The following MAP3K7 variants were observed in gnomAD, a reference collection of about 807,000 sequenced individuals.
MAP3K7 encodes mitogen-activated protein kinase kinase kinase 7.
A neutral mutation model predicts 84.8 loss-of-function variants in MAP3K7; 21 were observed. That is an observed-to-expected ratio of 0.25 (90% CI 0.18 to 0.36). MAP3K7 has a LOEUF of 0.36. Ranked by LOEUF, MAP3K7 falls within the 10% of genes least tolerant of loss-of-function variation. MAP3K7 has a pLI of 1.00. For synonymous variants in MAP3K7, 241 were observed against 247.7 expected, an observed-to-expected ratio of 0.97 and a Z score of 0.25; for missense variants, 503 against 747.7, an observed-to-expected ratio of 0.67 and a Z score of 3.82.
intron 6 of MAP3K7, 47 bp from the exon 7 acceptor site, chr6:90,553,633 A>G (rs184650205): frequency 3.1e-5 from 47 of 1,535,622 alleles, no homozygotes; most frequent in Non-Finnish European, 3.6e-5. Context: ...ATTTTTCCAC[A>G]TGACTTACAG....
Position 90,550,453 on chromosome 6 carries a change from A to C in MAP3K7, c.949+15T>G, listed in dbSNP as rs775195539. ...AGAAAAATCAAGTCAATACTCTTCC[A>C]ATCTATCCATTTACCTGTACTGGTG... On this transcript the variant is annotated intron_variant, in intron 9 of 16. Coordinates refer to ENST00000369329, the MANE Select transcript of MAP3K7 (RefSeq NM_145331.3). The C allele has an allele frequency of 1.3e-6, 2 of 1,555,918 alleles. No individual in the cohort carries two copies. The highest frequency in any genetic ancestry group is 2.2e-5 in the East Asian group (1 of 44,460).
chr6:90,585,076 T>C (rs1407891797), intron 1 of MAP3K7, among the ~76,000 whole-genome samples: 2 of 152,178 alleles, frequency 1.3e-5, no homozygotes, highest in Non-Finnish European at 2.9e-5. Context: ...GTGGTAGGTG[T>C]TTTGCATATA....
chr6:90,545,530 G>C (rs1432351090), intron 11 of MAP3K7, among the ~76,000 whole-genome samples: 3 of 152,068 alleles, frequency 2.0e-5, no homozygotes, highest in Non-Finnish European at 4.4e-5. Context: ...AAGTGAAAAG[G>C]GTTCCTCAAA....
At chr6:90,521,257 C>CGTGTGTGT (rs59945419) in intron 14 of MAP3K7, among the ~76,000 whole-genome samples, 1 of 148,544 alleles carries the variant, frequency 6.7e-6, no homozygotes, top group Non-Finnish European at 1.5e-5. Context: ...AAGTTTTTTG[C>CGTGTGTGT]GTGTGTGTGT....
At chr6:90,586,091 G>C (rs942319386) in intron 1 of MAP3K7, among the ~76,000 whole-genome samples, 3 of 152,096 alleles carry the variant, frequency 2.0e-5, no homozygotes, top group African/African-American at 7.2e-5. Flanking sequence ...CATTACGTCC[G>C]GCCGGGCCCG....
At chr6:90,541,832 T>C (rs574350488) in intron 12 of MAP3K7, among the ~76,000 whole-genome samples, 3 of 151,990 alleles carry the variant, frequency 2.0e-5, no homozygotes, top group Non-Finnish European at 4.4e-5. Flanking sequence ...GGTTAGACAT[T>C]TTAGTGACTT....
chr6:90,523,789 G>A lies in MAP3K7; in HGVS notation c.1357-6C>T. 1 of 1,501,398 alleles carries A rather than the reference G, an allele frequency of 6.7e-7. No homozygotes were observed. The highest frequency in any genetic ancestry group is 9.3e-7 in the Non-Finnish European group (1 of 1,078,020). 93.0% of individuals were successfully genotyped at this position (1,501,398 alleles called of 1,614,324 possible). On this transcript the variant is annotated splice_region_variant and splice_polypyrimidine_tract_variant and intron_variant, in intron 13 of 16. Transcript: ENST00000369329. ...CTGGATGACCTACTGCTCACCTACA[G>A]GAAGAAGTCACAGGAGAAACAAAAT...
chr6:90,522,019 T>C (rs1439913498), intron 14 of MAP3K7, among the ~76,000 whole-genome samples: 2 of 152,188 alleles, frequency 1.3e-5, no homozygotes, highest in Non-Finnish European at 2.9e-5. Context: ...TTCTATTAGC[T>C]TGGTTATCAA....
At chr6:90,575,967 G>A (rs954174240) in intron 1 of MAP3K7, among the ~76,000 whole-genome samples, 3 of 152,046 alleles carry the variant, frequency 2.0e-5, no homozygotes, top group Non-Finnish European at 2.9e-5. Context: ...GTGAAGGGAG[G>A]GGAGGAGAAA....
intron 12 of MAP3K7, among the ~76,000 whole-genome samples, chr6:90,540,748 T>C (rs1042593156): frequency 1.3e-5 from 2 of 151,966 alleles, no homozygotes; most frequent in Non-Finnish European, 2.9e-5. Flanking sequence ...GCTACAAGCA[T>C]GAAAAATAAT....
chr6:90,519,600 TAAAAAC>T (rs1034252549), intron 14 of MAP3K7, among the ~76,000 whole-genome samples: 1 of 152,004 alleles, frequency 6.6e-6, no homozygotes, highest in African/African-American at 2.4e-5. Context: ...AGCTCTTAAT[TAAAAAC>T]AAAAACAGTG....
chr6:90,576,377 C>T (rs1289530582), intron 1 of MAP3K7, among the ~76,000 whole-genome samples: 2 of 149,936 alleles, frequency 1.3e-5, no homozygotes, highest in Non-Finnish European at 3.0e-5. Context: ...GAGCCGAGAT[C>T]GCGCCACTGA....
At position 90,568,585 on chromosome 6, in the gene MAP3K7, T is replaced by G. The variant is rs761180843; in HGVS notation, c.270A>C (p.Val90=). 6.2e-7 allele frequency: 1 copy of G among 1,609,268 alleles called. No homozygotes were observed. ...GATTCAAGCAGGCTCCATAAAGCTTTACAATATTAGGATGGTTCACACGGG... is the reference window on the plus strand; with the variant it reads ...GATTCAAGCAGGCTCCATAAAGCTTGACAATATTAGGATGGTTCACACGGG... ...QLSRVNHPNI[V]KLYGACLNPV... Residue 90 remains valine (V), a synonymous_variant, in exon 3 of 17, where the codon GTA becomes GTC. Coordinates refer to ENST00000369329, the MANE Select transcript of MAP3K7 (RefSeq NM_145331.3).
intron 3 of MAP3K7, among the ~76,000 whole-genome samples, chr6:90,562,160 G>A (rs1161075119): frequency 6.6e-6 from 1 of 152,262 alleles, no homozygotes; most frequent in Non-Finnish European, 1.5e-5. Flanking sequence ...ACCAGCGTAA[G>A]CGACGCAGAA....
rs1582150584 is a variant in MAP3K7, at chr6:90,515,589, G to GAAT, written c.*911_*912insATT. 2 of 150,036 alleles carry GAAT rather than the reference G, an allele frequency of 1.3e-5. No homozygotes were observed. Among genetic ancestry groups the GAAT allele is most frequent in the African/African-American group, 4.9e-5 (2 of 40,840 alleles). 9.3% of individuals were successfully genotyped at this position (150,036 alleles called of 1,614,324 possible). A position where few individuals can be genotyped will look rare whatever the true frequency, so the allele number is the denominator to read the frequency against. ...TAAGTCCAAGCTTTTTTTAGCTGGA[G>GAAT]TAATTACTTCCATTTTCCATTATTT... On this transcript the variant is annotated 3_prime_UTR_variant, in exon 17 of 17. Transcript: ENST00000369329.
Position 90,573,543 on chromosome 6 carries a change from A to T in MAP3K7, c.121-1736T>A, listed in dbSNP as rs1274776863. The stretch of plus-strand genomic sequence containing the variant: ...ATTTACCATGTTGTTCAATGTCTAA[A>T]GCTACTCAAATGGTTAACATTTATT... On this transcript the variant is annotated intron_variant, in intron 1 of 16. Transcript: ENST00000369329. 1.3e-5 allele frequency among the ~76,000 whole-genome samples: 2 copies of T among 152,240 alleles called. 1 individual carries two copies. The highest frequency in any genetic ancestry group is 2.9e-5 in the Non-Finnish European group (2 of 68,046).
intron 13 of MAP3K7, among the ~76,000 whole-genome samples, chr6:90,530,683 T>C (rs537140383): frequency 1.8e-4 from 28 of 152,320 alleles, no homozygotes; most frequent in African/African-American, 6.0e-4. Flanking sequence ...TATGCTAATA[T>C]GTTTGTATAA....
At chr6:90,540,477 T>C (rs1775820166) in intron 12 of MAP3K7, among the ~76,000 whole-genome samples, 1 of 151,936 alleles carries the variant, frequency 6.6e-6, no homozygotes, top group African/African-American at 2.4e-5. Flanking sequence ...TACTTTTGCA[T>C]ATCACATTTG....
intron 1 of MAP3K7, among the ~76,000 whole-genome samples, chr6:90,583,212 T>C (rs891998357): frequency 2.0e-5 from 3 of 152,176 alleles, no homozygotes; most frequent in Non-Finnish European, 4.4e-5. Context: ...CCTCAGAGTA[T>C]TACGCACAGA....
Sources: gnomAD v4.1 joint callset for allele counts (sites outside exome capture counted in the v4.1 genomes callset) on GRCh38, gnomAD v4.1.1 for gene constraint, MANE v1.5 for transcripts, NCBI Gene and HGNC (gene_info 2026-07-23, HGNC 2026-07-21) for gene names.